The following ACYP2 variants were observed in gnomAD, a reference collection of about 807,000 sequenced individuals.
The protein encoded by ACYP2 is acylphosphatase-2.
A neutral mutation model predicts 11.2 loss-of-function variants in ACYP2; 12 were observed. That is an observed-to-expected ratio of 1.08 (90% CI 0.69 to 1.74). The LOEUF is 1.74. ACYP2 is among the 40% of genes most tolerant of loss of function. The pLI is 0.00. For missense variants in ACYP2, 134 were observed against 101.9 expected (o/e 1.31, Z -1.35); for synonymous variants, 43 against 32.2 (o/e 1.33, Z -1.13).
chr2:54,158,354 T>C (rs1342934473), intron 6 of ACYP2, among the ~76,000 whole-genome samples: 1 of 151,886 alleles, frequency 6.6e-6, no homozygotes, highest in Non-Finnish European at 1.5e-5. Context: ...CTTTTCTTAT[T>C]TTTTTTCCTC....
intron 4 of ACYP2, among the ~76,000 whole-genome samples, chr2:54,114,359 G>A (rs1357814051): frequency 7.1e-6 from 1 of 140,098 alleles, no homozygotes; most frequent in Non-Finnish European, 1.5e-5. Context: ...TTGGGATGTT[G>A]CTGAGAATAA....
chr2:54,176,821 GTCT>G (rs1433662388), intron 6 of ACYP2, among the ~76,000 whole-genome samples: 1 of 152,118 alleles, frequency 6.6e-6, no homozygotes, highest in African/African-American at 2.4e-5. Flanking sequence ...CCAAAGTCTA[GTCT>G]TCTTGCTTTA....
At chr2:54,054,839 T>A (rs1277592867) in intron 3 of ACYP2, among the ~76,000 whole-genome samples, 1 of 152,242 alleles carries the variant, frequency 6.6e-6, no homozygotes, top group Non-Finnish European at 1.5e-5. Context: ...TTTGTCCTCA[T>A]AGAAATCTAA....
chr2:54,061,722 C>A (rs965831037), intron 4 of ACYP2, among the ~76,000 whole-genome samples: 4 of 152,162 alleles, frequency 2.6e-5, no homozygotes, highest in African/African-American at 7.2e-5. Context: ...TGGCCACAAG[C>A]AGAGTGATGT....
intron 2 of ACYP2, among the ~76,000 whole-genome samples, chr2:54,007,795 G>A (rs1224609995): frequency 6.6e-6 from 1 of 152,144 alleles, no homozygotes; most frequent in African/African-American, 2.4e-5. Context: ...AACCTAGGAG[G>A]TGGAGGTTGC....
intron 6 of ACYP2, among the ~76,000 whole-genome samples, chr2:54,166,253 C>T (rs1285610804): frequency 6.6e-6 from 1 of 152,142 alleles, no homozygotes; most frequent in Non-Finnish European, 1.5e-5. Flanking sequence ...TTACCTGTGT[C>T]CTCTGGGCAA....
intron 6 of ACYP2, among the ~76,000 whole-genome samples, chr2:54,181,346 GT>G: frequency 6.6e-6 from 1 of 152,214 alleles, no homozygotes; most frequent in Non-Finnish European, 1.5e-5. Flanking sequence ...ATGGAAGGTA[GT>G]GTGTTTGAAT....
chr2:54,112,260 G>C (rs1436841239), intron 4 of ACYP2, among the ~76,000 whole-genome samples: 1 of 152,156 alleles, frequency 6.6e-6, no homozygotes, highest in Admixed American at 6.5e-5. Context: ...ATTTCAACCA[G>C]TAGTAACACA....
intron 4 of ACYP2, among the ~76,000 whole-genome samples, chr2:54,122,842 T>G (rs1680239341): frequency 1.3e-5 from 2 of 152,142 alleles, no homozygotes; most frequent in African/African-American, 4.8e-5. Flanking sequence ...GAGTTGTAGT[T>G]TGAGGGGCCC....
At chr2:54,123,299 C>CT in intron 4 of ACYP2, 1 of 398,550 alleles carries the variant, frequency 2.5e-6, no homozygotes, top group Non-Finnish European at 4.4e-6. Flanking sequence ...ACTTGCCGTA[C>CT]TTCAAGAGGA....
At chr2:54,004,906 A>AAAAC (rs1672984428) in intron 2 of ACYP2, among the ~76,000 whole-genome samples, 1 of 135,544 alleles carries the variant, frequency 7.4e-6, no homozygotes, top group African/African-American at 2.7e-5. Flanking sequence ...AAAAAAAAAA[A>AAAAC]AAAAAAAAAC....
chr2:54,181,806 C>T (rs1683743095), intron 6 of ACYP2, among the ~76,000 whole-genome samples: 2 of 152,032 alleles, frequency 1.3e-5, no homozygotes, highest in African/African-American at 4.8e-5. Flanking sequence ...CATTTCTGTC[C>T]ACTGGTTCTC....
chr2:54,175,994 G>C (rs536160920), intron 6 of ACYP2, among the ~76,000 whole-genome samples: 10 of 152,226 alleles, frequency 6.6e-5, no homozygotes, highest in African/African-American at 2.4e-4. Context: ...TACCATGTGA[G>C]GATACATTGA....
intron 6 of ACYP2, among the ~76,000 whole-genome samples, chr2:54,286,744 AT>A (rs1430736306): frequency 6.6e-6 from 1 of 152,022 alleles, no homozygotes; most frequent in African/African-American, 2.4e-5. Context: ...TCCTCTCTAA[AT>A]GGATTTGTCC....
At chr2:54,136,446 G>T (rs961413672) in intron 5 of ACYP2, among the ~76,000 whole-genome samples, 1 of 152,052 alleles carries the variant, frequency 6.6e-6, no homozygotes, top group Non-Finnish European at 1.5e-5. Flanking sequence ...AACTCCTGAG[G>T]GTTCCAATAT....
chr2:54,026,399 A>G (rs576749992), intron 2 of ACYP2, among the ~76,000 whole-genome samples: 3 of 149,168 alleles, frequency 2.0e-5, no homozygotes, highest in African/African-American at 7.5e-5. Flanking sequence ...ATTAAAAAAT[A>G]AAAAAAAAAT....
At chr2:54,049,571 G>T (rs1675721535) in intron 2 of ACYP2, among the ~76,000 whole-genome samples, 1 of 152,052 alleles carries the variant, frequency 6.6e-6, no homozygotes, top group South Asian at 2.1e-4. Context: ...TTTCAAAGCT[G>T]TGCAAGCATG....
At chr2:54,090,842 T>TTGAAGAAGAA (rs1028598878) in intron 4 of ACYP2, among the ~76,000 whole-genome samples, 2 of 152,208 alleles carry the variant, frequency 1.3e-5, no homozygotes, top group Non-Finnish European at 1.5e-5. Context: ...CTTCTTCCTC[T>TTGAAGAAGAA]GACTCTTGAG....
At chr2:54,004,635 C>T (rs543564632) in intron 2 of ACYP2, among the ~76,000 whole-genome samples, 1 of 151,918 alleles carries the variant, frequency 6.6e-6, no homozygotes, top group East Asian at 1.9e-4. Flanking sequence ...TGGTCTTGAT[C>T]TCCTGACCTT....
Sources: allele counts gnomAD v4.1 joint callset (sites outside exome capture counted in the v4.1 genomes callset), GRCh38; gene constraint gnomAD v4.1.1; transcripts MANE v1.5; gene names NCBI Gene and HGNC (gene_info 2026-07-23, HGNC 2026-07-21).